WFDC2: variants seen among roughly 807,000 people sequenced by gnomAD.
The protein encoded by WFDC2 is WAP four-disulfide core domain 2, also known as WAP four-disulfide core domain protein 2.
In WFDC2, 8 loss-of-function variants were observed where a neutral mutation model predicts 12.5. The observed-to-expected ratio is 0.64, with a 90% CI of 0.37 to 1.15. WFDC2 has a LOEUF of 1.15. Ranked by LOEUF, WFDC2 falls within the 50% of genes most tolerant of loss-of-function variation. The pLI, the probability that WFDC2 is intolerant of heterozygous loss-of-function variation, is 0.01. For synonymous variants in WFDC2, 74 were observed against 67.2 expected (o/e 1.10, Z -0.49); for missense variants, 166 against 159.9 (o/e 1.04, Z -0.21).
intron 2 of WFDC2, among the ~76,000 whole-genome samples, chr20:45,477,484 C>T (rs1238681443): frequency 2.0e-5 from 3 of 152,224 alleles, no homozygotes; most frequent in Non-Finnish European, 4.4e-5. Flanking sequence ...CCCTGTTTGC[C>T]TGGCTATCAC....
At chr20:45,471,173 G>A (rs1186936760) in intron 2 of WFDC2, 1 of 471,222 alleles carries the variant, frequency 2.1e-6, no homozygotes, top group Admixed American at 2.3e-5. Flanking sequence ...TGAGTGATTC[G>A]AAGAAAGTGA....
At chr20:45,471,222 TTCAG>T in intron 2 of WFDC2, 1 of 468,110 alleles carries the variant, frequency 2.1e-6, no homozygotes, top group Non-Finnish European at 4.5e-6. Context: ...TTCGTCGTCT[TTCAG>T]TCAATCTCTT....
Position 45,477,734 on chromosome 20 carries a change from G to A in WFDC2, c.224-2208G>A, listed in dbSNP as rs116408455. Among the ~76,000 whole-genome samples, 368 of 151,656 alleles carry A rather than the reference G, an allele frequency of 2.4e-3. 3 individuals carry two copies. Among genetic ancestry groups the A allele is most frequent in the African/African-American group, 8.6e-3 (355 of 41,356 alleles). ...GAGATCTGCTGCTCTCTTCAGAACC[G>A]GCAGGCAGGCTGAAGCCACATCCAC... On this transcript the variant is annotated intron_variant, in intron 2 of 3. Coordinates refer to ENST00000372676, the MANE Select transcript of WFDC2 (RefSeq NM_006103.4).
rs1991161263 is a variant in WFDC2 at position 45,470,778 on chromosome 20, C to T, written c.223+246C>T. On this transcript the variant is annotated intron_variant, in intron 2 of 3. Transcript: ENST00000372676. The surrounding 1 kb of genome is among the most constrained non-coding windows in gnomAD (Gnocchi z 5.4). ...TGGGATTCGAGTCTCTGGTGCATGA[C>T]GGGCTTCCGGGCACGCACAGCCGGG... Among the ~76,000 whole-genome samples, 1 of 152,178 alleles carries T rather than the reference C, an allele frequency of 6.6e-6. No homozygotes were observed. Among genetic ancestry groups the T allele is most frequent in the Admixed American group, 6.5e-5 (1 of 15,288 alleles).
In WFDC2 at chr20:45,480,201, G is replaced by A. The variant is rs1991285343; in HGVS notation, c.*1+107G>A. 6.0e-6 allele frequency: 9 copies of A among 1,508,540 alleles called. No individual in the cohort carries two copies. The South Asian group carries it at 1.1e-4, about 19-fold the overall frequency. The allele number at this position is 1,508,540 out of a possible 1,614,324, so 93.4% of individuals were successfully genotyped here. A position where few individuals can be genotyped will look rare whatever the true frequency, so the allele number is the denominator to read the frequency against. On this transcript the variant is annotated intron_variant, in intron 3 of 3. Coordinates refer to ENST00000372676, the MANE Select transcript of WFDC2 (RefSeq NM_006103.4). ...AGGGAGGTTAGTTGCAGGGACAGTT[G>A]GGAAAGGTATACCAGTGGGGTGACC...
rs1423255450 is a variant in WFDC2 at position 45,480,573 on chromosome 20, C to T, written c.*1+479C>T. 9.2e-5 allele frequency among the ~76,000 whole-genome samples: 14 copies of T among 152,162 alleles called. No homozygotes were observed. In the South Asian group the frequency reaches 1.7e-3, roughly 18 times the overall value. On this transcript the variant is annotated intron_variant, in intron 3 of 3. Transcript: ENST00000372676. Reference sequence around the variant, plus strand: ...CAGAGGTTGTGGTGAGCTGAGATCACGCCATTGCACTCCAGCCTGGGCAAC... The same window carrying T: ...CAGAGGTTGTGGTGAGCTGAGATCATGCCATTGCACTCCAGCCTGGGCAAC...
Position 45,480,044 on chromosome 20 carries a change from G to C in WFDC2, c.326G>C (p.Cys109Ser), listed in dbSNP as rs1319183248. The C allele has an allele frequency of 6.2e-7, 1 of 1,614,230 alleles. No individual in the cohort carries two copies. The highest frequency in any genetic ancestry group is 8.5e-7 in the Non-Finnish European group (1 of 1,180,032). The change falls in exon 3 of 4, where the codon TGC becomes TCC. Residue 109 changes from cysteine (C) to serine (S), a missense_variant. Cys to Ser is a moderately radical substitution (Grantham distance 112). Transcript: ENST00000372676. ...AGCCAGTGTCCTGGCCAGATGAAAT[G>C]CTGCCGCAATGGCTGTGGGAAGGTG... Reference protein sequence around the residue: ...VDSQCPGQMKCCRNGCGKVSC... With the variant: ...VDSQCPGQMKSCRNGCGKVSC...
chr20:45,477,603 TC>T (rs1178659179), intron 2 of WFDC2, among the ~76,000 whole-genome samples: 1 of 152,232 alleles, frequency 6.6e-6, no homozygotes, highest in African/African-American at 2.4e-5. Context: ...GTATGAGGTG[TC>T]TGTCAGCCCC....
chr20:45,472,189 T>C (rs1991180906), intron 2 of WFDC2, among the ~76,000 whole-genome samples: 1 of 152,284 alleles, frequency 6.6e-6, no homozygotes, highest in Non-Finnish European at 1.5e-5. Flanking sequence ...TACATAGGTA[T>C]ACATGTGCCA....
At position 45,470,453 on chromosome 20, in the gene WFDC2, G is replaced by C. The variant is rs767535756; in HGVS notation, c.144G>C (p.Glu48Asp). 1 of 1,595,330 alleles carries C rather than the reference G, an allele frequency of 6.3e-7. No homozygotes were observed. The highest frequency in any genetic ancestry group is 1.1e-5 in the South Asian group (1 of 88,128). ...ELQADQNCTQ[E>D]CVSDSECADN... ...AGGCTGACCAGAACTGCACGCAAGA[G>C]TGCGTCTCGGACAGCGAATGCGCCG... is the stretch of plus-strand genomic sequence containing the variant. The change falls in exon 2 of 4, where the codon GAG becomes GAC. Residue 48 changes from glutamate to aspartate, a missense_variant. Glu to Asp is a conservative substitution (Grantham distance 45). Coordinates refer to ENST00000372676, the MANE Select transcript of WFDC2 (RefSeq NM_006103.4). This position sits in a 1 kb window ranked among gnomAD's most constrained non-coding sequence, Gnocchi z 5.4.
At chr20:45,471,383 A>T in intron 2 of WFDC2, 3 of 334,322 alleles carry the variant, frequency 9.0e-6, no homozygotes, top group South Asian at 6.8e-5. Flanking sequence ...AATGCTGAGG[A>T]TTAGAGGCAG....
rs561346698 is a variant in WFDC2 at position 45,479,899 on chromosome 20, G to T, written c.224-43G>T. The T allele has an allele frequency of 9.9e-5, 159 of 1,614,100 alleles. 4 individuals are homozygous for T. The South Asian group carries it at 1.7e-3, about 17-fold the overall frequency. ...GCTGCAGGTACAAGTTAATCTCCCT[G>T]TATCGCCTCTGCCCACTTACCCTTA... On this transcript the variant is annotated intron_variant, in intron 2 of 3. Transcript: ENST00000372676.
chr20:45,470,478 G>C lies in WFDC2; in HGVS notation c.169G>C (p.Asp57His). The change falls in exon 2 of 4, where the codon GAC becomes CAC. Residue 57 changes from aspartate (D) to histidine (H), a missense_variant. Physicochemically the swap from Asp to His is moderately conservative, Grantham distance 81. Coordinates refer to ENST00000372676, the MANE Select transcript of WFDC2 (RefSeq NM_006103.4). This position sits in a 1 kb window ranked among gnomAD's most constrained non-coding sequence, Gnocchi z 5.4. ...QECVSDSECA[D>H]NLKCCSAGCA... ...GTGCGTCTCGGACAGCGAATGCGCC[G>C]ACAACCTCAAGTGCTGCAGCGCGGG... 1 of 1,597,802 alleles carries C rather than the reference G, an allele frequency of 6.3e-7. No individual in the cohort carries two copies. Among genetic ancestry groups the C allele is most frequent in the Non-Finnish European group, 8.5e-7 (1 of 1,171,814 alleles).
intron 2 of WFDC2, among the ~76,000 whole-genome samples, chr20:45,472,586 C>T (rs148931463): frequency 6.0e-5 from 9 of 149,564 alleles, no homozygotes; most frequent in African/African-American, 2.2e-4. Context: ...CCTATGTGTG[C>T]ATGTGTCTTG....
At chr20:45,473,408 C>A (rs563479444) in intron 2 of WFDC2, among the ~76,000 whole-genome samples, 1 of 152,286 alleles carries the variant, frequency 6.6e-6, no homozygotes, top group African/African-American at 2.4e-5. Context: ...TATGGCTAGC[C>A]AGTTTTCCCA....
In WFDC2 at chr20:45,469,863, G is replaced by A. The variant is rs879045598; in HGVS notation, c.79+3G>A. The A allele has an allele frequency of 1.2e-6, 2 of 1,604,668 alleles. No homozygotes were observed. The highest frequency in any genetic ancestry group is 1.7e-5 in the Admixed American group (1 of 58,742). ...GTTCGGCTTCACCCTAGTCTCAGGT[G>A]AGTGGGGCGGGGAGAGGCCCGGCGC... On this transcript the variant is annotated splice_donor_region_variant and intron_variant, in intron 1 of 3. Coordinates refer to ENST00000372676, the MANE Select transcript of WFDC2 (RefSeq NM_006103.4).
At chr20:45,481,276 G>A (rs1257704369) in intron 3 of WFDC2, 95 bp from the exon 4 acceptor site, 1 of 152,302 alleles carries the variant, frequency 6.6e-6, no homozygotes, top group African/African-American at 2.4e-5. Flanking sequence ...ATGGGGTGGG[G>A]TCAAGGAGCT....
chr20:45,470,123 C>A lies in WFDC2; in HGVS notation c.79+263C>A, dbSNP rs1317958243. 6.6e-6 allele frequency among the ~76,000 whole-genome samples: 1 copy of A among 152,110 alleles called. No homozygotes were observed. The highest frequency in any genetic ancestry group is 1.9e-4 in the East Asian group (1 of 5,178). On this transcript the variant is annotated intron_variant, in intron 1 of 3. Transcript: ENST00000372676. This position sits in a 1 kb window ranked among gnomAD's most constrained non-coding sequence, Gnocchi z 5.4. ...GCTGGGGGTGGGGGCTGCTCTGCCT[C>A]GACCTCGGAAGCTCCGAGACGCTCA...
rs1035755919 is a variant in WFDC2 at position 45,470,068 on chromosome 20, C to T, written c.79+208C>T. ...GGCTGCAATTTGGGAGGATTCTGTG[C>T]TGAACGCGGACACTCCGTGGCTGCA... On this transcript the variant is annotated intron_variant, in intron 1 of 3. Coordinates refer to ENST00000372676, the MANE Select transcript of WFDC2 (RefSeq NM_006103.4). This position sits in a 1 kb window ranked among gnomAD's most constrained non-coding sequence, Gnocchi z 5.4. 3.3e-5 allele frequency among the ~76,000 whole-genome samples: 5 copies of T among 152,158 alleles called. No individual in the cohort carries two copies. Among genetic ancestry groups the T allele is most frequent in the Non-Finnish European group, 7.3e-5 (5 of 68,030 alleles).
Sources: allele counts gnomAD v4.1 joint callset (sites outside exome capture counted in the v4.1 genomes callset), GRCh38; gene constraint gnomAD v4.1.1; non-coding constraint Gnocchi (gnomAD v3.1); transcripts MANE v1.5; gene names NCBI Gene and HGNC (gene_info 2026-07-23, HGNC 2026-07-21).